ROR1: variants seen among roughly 807,000 people sequenced by gnomAD.
ROR1 encodes the protein inactive tyrosine-protein kinase transmembrane receptor ROR1.
Under a neutral mutation model 78.8 loss-of-function variants are expected in ROR1, and 19 were observed. That is an observed-to-expected ratio of 0.24 (90% CI 0.17 to 0.35). The LOEUF (loss-of-function observed/expected upper bound fraction) is 0.35. Among genes scored for constraint, ROR1 ranks in the 10% least tolerant of loss-of-function variants. The probability of loss-of-function intolerance (pLI) is 1.00; values close to 1 mark genes in which losing one functional copy is unlikely to be tolerated. For synonymous variants in ROR1, 386 were observed against 433.6 expected (o/e 0.89, Z 1.36); for missense variants, 917 against 1,177.8 (o/e 0.78, Z 3.24).
At chr1:64,068,739 AT>A (rs896997167) in intron 4 of ROR1, among the ~76,000 whole-genome samples, 17 of 151,858 alleles carry the variant, frequency 1.1e-4, no homozygotes, top group African/African-American at 3.4e-4. Context: ...TGTGATAGAA[AT>A]TTTTTTTTCA....
At chr1:64,032,387 C>A (rs1165538624) in intron 2 of ROR1, among the ~76,000 whole-genome samples, 1 of 150,832 alleles carries the variant, frequency 6.6e-6, no homozygotes, top group Admixed American at 6.6e-5. Flanking sequence ...ATATGTTGTT[C>A]CTGCATGGAG....
chr1:64,174,753 T>C (rs1650330908), intron 8 of ROR1, among the ~76,000 whole-genome samples: 1 of 152,168 alleles, frequency 6.6e-6, no homozygotes, highest in Non-Finnish European at 1.5e-5. Context: ...CCAATCTTAA[T>C]GTCATGCAGG....
At chr1:64,156,687 CAGAGCG>C (rs1211294752) in intron 7 of ROR1, among the ~76,000 whole-genome samples, 2 of 118,522 alleles carry the variant, frequency 1.7e-5, no homozygotes, top group Non-Finnish European at 3.2e-5. Context: ...AGCCTGGTGA[CAGAGCG>C]AGACTCCGTC....
intron 1 of ROR1, among the ~76,000 whole-genome samples, chr1:63,806,538 C>G (rs1327555073): frequency 6.6e-6 from 1 of 152,132 alleles, no homozygotes; most frequent in Non-Finnish European, 1.5e-5. Flanking sequence ...AGGATGGTCT[C>G]GATCTCCTGA....
Position 64,019,811 on chromosome 1 carries a change from G to T in ROR1, c.163+10435G>T, listed in dbSNP as rs566425549. 5.9e-5 allele frequency among the ~76,000 whole-genome samples: 9 copies of T among 152,290 alleles called. No homozygotes were observed. In the South Asian group the frequency reaches 1.5e-3, roughly 25 times the overall value. ...GTGACATCCTGCCTGCAAAAGATGT[G>T]TCCATGTCCTAAACTCTGGAACCTG... On this transcript the variant is annotated intron_variant, in intron 2 of 8. Transcript: ENST00000371079.
chr1:63,989,896 G>A (rs1298663834), intron 1 of ROR1, among the ~76,000 whole-genome samples: 1 of 152,174 alleles, frequency 6.6e-6, no homozygotes, highest in Non-Finnish European at 1.5e-5. Flanking sequence ...TGAGCCCTTG[G>A]CCATGGCTTC....
intron 2 of ROR1, among the ~76,000 whole-genome samples, chr1:64,047,181 C>T (rs1646791208): frequency 6.6e-6 from 1 of 152,160 alleles, no homozygotes; most frequent in Admixed American, 6.5e-5. Flanking sequence ...TCTTACTTCT[C>T]TAGATTGTTA....
intron 4 of ROR1, among the ~76,000 whole-genome samples, chr1:64,093,681 G>C (rs951899533): frequency 2.6e-5 from 4 of 151,172 alleles, no homozygotes; most frequent in Non-Finnish European, 5.9e-5. Flanking sequence ...CTTTTTTTTT[G>C]TTTGTCAGGA....
At chr1:63,892,166 T>G (rs1044626491) in intron 1 of ROR1, among the ~76,000 whole-genome samples, 1 of 152,210 alleles carries the variant, frequency 6.6e-6, no homozygotes, top group African/African-American at 2.4e-5. Context: ...ATTAATGGAC[T>G]ATGATTAAGA....
intron 1 of ROR1, among the ~76,000 whole-genome samples, chr1:63,912,171 G>T (rs1314834454): frequency 6.6e-6 from 1 of 151,230 alleles, no homozygotes; most frequent in African/African-American, 2.4e-5. Context: ...GGTGGCATGT[G>T]TCTATAGTTC....
intron 1 of ROR1, among the ~76,000 whole-genome samples, chr1:63,845,505 G>T (rs1645075287): frequency 6.6e-6 from 1 of 152,246 alleles, no homozygotes; most frequent in African/African-American, 2.4e-5. Context: ...CTCTTTCAAT[G>T]AATGAGGTCA....
At chr1:64,163,856 G>A (rs1020780388) in intron 8 of ROR1, among the ~76,000 whole-genome samples, 3 of 152,000 alleles carry the variant, frequency 2.0e-5, no homozygotes, top group Admixed American at 6.5e-5. Context: ...AAATATCCTC[G>A]ATAATTTTTC....
intron 1 of ROR1, among the ~76,000 whole-genome samples, chr1:63,916,047 T>C (rs1473223951): frequency 6.6e-6 from 1 of 152,172 alleles, no homozygotes; most frequent in Non-Finnish European, 1.5e-5. Flanking sequence ...TCCCTATACA[T>C]ACTTGACCTC....
At chr1:64,168,094 A>G (rs982410781) in intron 8 of ROR1, among the ~76,000 whole-genome samples, 4 of 152,194 alleles carry the variant, frequency 2.6e-5, no homozygotes, top group Non-Finnish European at 5.9e-5. Flanking sequence ...CGTAATATGA[A>G]TCTCACAGAA....
chr1:63,921,308 G>C (rs1478372206), intron 1 of ROR1, among the ~76,000 whole-genome samples: 1 of 152,138 alleles, frequency 6.6e-6, no homozygotes, highest in African/African-American at 2.4e-5. Context: ...AAAGTGCTGT[G>C]GTGGAGCCTG....
chr1:63,849,886 TA>T lies in ROR1; in HGVS notation c.91+75379del, dbSNP rs1366070985. Among the ~76,000 whole-genome samples the T allele has an allele frequency of 7.2e-5, 11 of 152,344 alleles. No homozygotes were observed. The East Asian group carries it at 1.9e-3, about 27-fold the overall frequency. On this transcript the variant is annotated intron_variant, in intron 1 of 8. Transcript: ENST00000371079. ...CAAAAGTGACAAAACCCATTTCAGA[TA>T]CAAATATTTTTTATTTGTTTCAGAT...
intron 1 of ROR1, among the ~76,000 whole-genome samples, chr1:63,932,551 A>G (rs1645762155): frequency 6.6e-6 from 1 of 152,172 alleles, no homozygotes; most frequent in African/African-American, 2.4e-5. Context: ...TACTGCCCCC[A>G]AAGCCAAGGA....
rs571706158 is a variant in ROR1 at position 63,937,502 on chromosome 1, GT to G, written c.92-71792del. On this transcript the variant is annotated intron_variant, in intron 1 of 8. Transcript: ENST00000371079. ...AACTTCTGCAGATGTCATTGAAGTT[GT>G]TTTTTTTTTTAATTATATGGCTGAA... Among the ~76,000 whole-genome samples the G allele has an allele frequency of 3.9e-3, 580 of 147,298 alleles. 4 individuals carry two copies. The highest frequency in any genetic ancestry group is 5.0e-3 in the Non-Finnish European group (330 of 66,488).
intron 1 of ROR1, among the ~76,000 whole-genome samples, chr1:63,872,736 T>A (rs1208268180): frequency 6.6e-6 from 1 of 152,204 alleles, no homozygotes; most frequent in East Asian, 1.9e-4. Context: ...GCAAGAGAAC[T>A]CATCTATCTT....
Sources: gnomAD v4.1 joint callset for allele counts (sites outside exome capture counted in the v4.1 genomes callset) on GRCh38, gnomAD v4.1.1 for gene constraint, MANE v1.5 for transcripts, NCBI Gene and HGNC (gene_info 2026-07-23, HGNC 2026-07-21) for gene names.